SMG6: variants seen among roughly 807,000 people sequenced by gnomAD.
SMG6 encodes telomerase-binding protein EST1A.
SMG6 carries 66 observed loss-of-function variants against 142.2 expected under a neutral mutation model. The ratio of observed to expected loss-of-function variants is 0.46; its 90% confidence interval spans 0.38 to 0.57. The LOEUF (loss-of-function observed/expected upper bound fraction) is 0.57. SMG6 is among the 20% of genes least tolerant of loss of function. The probability of loss-of-function intolerance (pLI) is 0.00; values close to 1 mark genes in which losing one functional copy is unlikely to be tolerated. For missense variants in SMG6, 1,793 were observed against 1,832.0 expected (o/e 0.98, Z 0.39); for synonymous variants, 779 against 702.4 (o/e 1.11, Z -1.72).
chr17:2,192,151 A>G (rs1054925793), intron 10 of SMG6, among the ~76,000 whole-genome samples: 1 of 152,336 alleles, frequency 6.6e-6, no homozygotes, highest in African/African-American at 2.4e-5. Context: ...CGGAGAGGGA[A>G]GAGCAGGGGA....
At chr17:2,180,491 T>G (rs112740710) in intron 12 of SMG6, among the ~76,000 whole-genome samples, 3 of 152,266 alleles carry the variant, frequency 2.0e-5, no homozygotes, top group African/African-American at 7.2e-5. Context: ...AAGGCACACA[T>G]GCCCACATGC....
chr17:2,249,667 A>G (rs1273365858), intron 8 of SMG6, among the ~76,000 whole-genome samples: 1 of 152,232 alleles, frequency 6.6e-6, no homozygotes, highest in Non-Finnish European at 1.5e-5. Context: ...GTTCTCGGTC[A>G]GGTGGAAAAT....
At chr17:2,073,231 G>A (rs955060826) in intron 15 of SMG6, among the ~76,000 whole-genome samples, 6 of 151,936 alleles carry the variant, frequency 3.9e-5, no homozygotes, top group East Asian at 2.0e-4. Context: ...TTACAAGCGT[G>A]AGCCAACACG....
At chr17:2,242,165 G>C (rs1261856595) in intron 9 of SMG6, among the ~76,000 whole-genome samples, 1 of 151,980 alleles carries the variant, frequency 6.6e-6, no homozygotes, top group African/African-American at 2.4e-5. Context: ...GAAAAAAGGA[G>C]AGAAAACACT....
chr17:2,287,972 T>C (rs1416147798), intron 6 of SMG6, among the ~76,000 whole-genome samples: 1 of 152,216 alleles, frequency 6.6e-6, no homozygotes, highest in African/African-American at 2.4e-5. Context: ...GGAGGTTCGT[T>C]ACACTACAAT....
In SMG6 at chr17:2,169,161, C is replaced by T. The variant is rs143620277; in HGVS notation, c.3357+3497G>A. Reference sequence around the variant, plus strand: ...TGGCGTGCCTGTAATCCCAGCTACTCGGGAGGCTGAGGCAACAGAATCGCT... The same window carrying T: ...TGGCGTGCCTGTAATCCCAGCTACTTGGGAGGCTGAGGCAACAGAATCGCT... On this transcript the variant is annotated intron_variant, in intron 13 of 18. Coordinates refer to ENST00000263073, the MANE Select transcript of SMG6 (RefSeq NM_017575.5). Among the ~76,000 whole-genome samples the T allele has an allele frequency of 1.7e-3, 251 of 151,732 alleles. 2 individuals are homozygous for T. Among genetic ancestry groups the T allele is most frequent in the African/African-American group, 5.7e-3 (238 of 41,428 alleles).
chr17:2,134,817 T>C (rs1188086294), intron 13 of SMG6, among the ~76,000 whole-genome samples: 2 of 152,168 alleles, frequency 1.3e-5, no homozygotes, highest in Non-Finnish European at 2.9e-5. Context: ...ATTCAAATCC[T>C]AGTATCTCCC....
At chr17:2,096,318 G>C (rs962851865) in intron 13 of SMG6, among the ~76,000 whole-genome samples, 3 of 151,988 alleles carry the variant, frequency 2.0e-5, no homozygotes, top group Non-Finnish European at 2.9e-5. Context: ...AGTGATTCTC[G>C]TGCCTCAGCC....
intron 8 of SMG6, among the ~76,000 whole-genome samples, chr17:2,256,709 A>G (rs1355165450): frequency 6.6e-6 from 1 of 152,202 alleles, no homozygotes; most frequent in Non-Finnish European, 1.5e-5. Context: ...TGGGAGGCAG[A>G]GATTGCAGTG....
intron 13 of SMG6, among the ~76,000 whole-genome samples, chr17:2,128,536 G>C (rs1282855242): frequency 1.3e-5 from 2 of 152,142 alleles, no homozygotes; most frequent in African/African-American, 4.8e-5. Context: ...GCTGTATTCT[G>C]TATGCCACTA....
At position 2,280,875 on chromosome 17, in the gene SMG6, T is replaced by C. The variant is rs533143728; in HGVS notation, c.2661+1772A>G. ...CGGGAGGACTGCTTGAGGCCAGGAG[T>C]TTGAGACCAGCCTGCGCAACAGGGC... On this transcript the variant is annotated intron_variant, in intron 8 of 18. Coordinates refer to ENST00000263073, the MANE Select transcript of SMG6 (RefSeq NM_017575.5). Among the ~76,000 whole-genome samples, 76 of 152,228 alleles carry C rather than the reference T, an allele frequency of 5.0e-4. 1 individual carries two copies. The Middle Eastern group carries it at 0.014, about 27-fold the overall frequency.
At chr17:2,211,572 G>A (rs2072863981) in intron 10 of SMG6, among the ~76,000 whole-genome samples, 1 of 151,764 alleles carries the variant, frequency 6.6e-6, no homozygotes, top group Non-Finnish European at 1.5e-5. Context: ...GCTGAGGCAG[G>A]AGAATGGCGT....
At chr17:2,244,145 C>T (rs575778533) in intron 9 of SMG6, among the ~76,000 whole-genome samples, 41 of 152,228 alleles carry the variant, frequency 2.7e-4, no homozygotes, top group African/African-American at 8.9e-4. Flanking sequence ...ATGATGAAAC[C>T]GTAAGAGGCT....
intron 13 of SMG6, among the ~76,000 whole-genome samples, chr17:2,123,652 C>CT (rs1290425411): frequency 6.6e-6 from 1 of 152,146 alleles, no homozygotes; most frequent in Non-Finnish European, 1.5e-5. Flanking sequence ...CATAAGACTA[C>CT]TAAGCTCTCT....
At chr17:2,283,522 C>T (rs2074836419) in intron 7 of SMG6, 103 bp downstream of exon 7, 1 of 903,240 alleles carries the variant, frequency 1.1e-6, no homozygotes, top group Non-Finnish European at 1.8e-6. Flanking sequence ...CTTGGATAAA[C>T]CTCACTGGCT....
intron 13 of SMG6, among the ~76,000 whole-genome samples, chr17:2,149,864 G>A (rs1354315118): frequency 6.6e-6 from 1 of 152,196 alleles, no homozygotes; most frequent in African/African-American, 2.4e-5. Flanking sequence ...AAGTCCACAG[G>A]ACTTTAATGT....
intron 13 of SMG6, among the ~76,000 whole-genome samples, chr17:2,121,817 A>G (rs905218863): frequency 8.6e-5 from 13 of 151,954 alleles, no homozygotes; most frequent in Non-Finnish European, 1.6e-4. Flanking sequence ...GGGTTTCGCC[A>G]TGTTGCCCAG....
intron 15 of SMG6, among the ~76,000 whole-genome samples, chr17:2,079,632 A>C (rs1369690946): frequency 1.3e-5 from 2 of 151,926 alleles, no homozygotes; most frequent in Admixed American, 1.3e-4. Context: ...AAGTAAAAGA[A>C]GCATGAGGAT....
intron 12 of SMG6, among the ~76,000 whole-genome samples, chr17:2,178,349 C>T (rs1187414952): frequency 2.6e-5 from 4 of 152,174 alleles, no homozygotes; most frequent in African/African-American, 9.7e-5. Flanking sequence ...AAGACACCAT[C>T]CTCTAAGAAT....
Sources: gnomAD v4.1 joint callset for allele counts (sites outside exome capture counted in the v4.1 genomes callset) on GRCh38, gnomAD v4.1.1 for gene constraint, MANE v1.5 for transcripts, NCBI Gene and HGNC (gene_info 2026-07-23, HGNC 2026-07-21) for gene names.